Variants in RALYL observed in about 807,000 individuals in gnomAD.
The protein encoded by RALYL is RNA-binding Raly-like protein.
Under a neutral mutation model 35.1 loss-of-function variants are expected in RALYL, and 29 were observed. That is an observed-to-expected ratio of 0.83 (90% CI 0.61 to 1.13). The LOEUF is 1.13. Ranked by LOEUF, RALYL falls within the 50% of genes most tolerant of loss-of-function variation. The pLI, the probability that RALYL is intolerant of heterozygous loss-of-function variation, is 0.00. For missense variants in RALYL, 359 were observed against 360.4 expected (o/e 1.00, Z 0.03); for synonymous variants, 120 against 127.6 (o/e 0.94, Z 0.40).
chr8:84,273,839 C>T (rs1429913355), intron 1 of RALYL, among the ~76,000 whole-genome samples: 1 of 152,160 alleles, frequency 6.6e-6, no homozygotes. Context: ...ATGAGAAGTA[C>T]AGGGTTGCTT....
chr8:84,310,597 C>T (rs1042630069), intron 1 of RALYL, among the ~76,000 whole-genome samples: 17 of 151,834 alleles, frequency 1.1e-4, no homozygotes, highest in Admixed American at 1.3e-4. Flanking sequence ...ATAATATAAA[C>T]AAGGATGAAA....
Position 84,316,472 on chromosome 8 carries a change from C to T in RALYL, c.-24+132048C>T, listed in dbSNP as rs186805954. Among the ~76,000 whole-genome samples, 461 of 152,146 alleles carry T rather than the reference C, an allele frequency of 3.0e-3. 3 individuals are homozygous for T. Among genetic ancestry groups the T allele is most frequent in the African/African-American group, 9.7e-3 (402 of 41,558 alleles). ...TTTTATTAGATGACATAAAAAATTA[C>T]GCAGAAAATTGGAAAAGGTACTTTT... On this transcript the variant is annotated intron_variant, in intron 1 of 8. Coordinates refer to ENST00000521268, the MANE Select transcript of RALYL (RefSeq NM_173848.7).
chr8:84,576,418 T>A (rs1281700148), intron 2 of RALYL, among the ~76,000 whole-genome samples: 1 of 152,232 alleles, frequency 6.6e-6, no homozygotes, highest in Non-Finnish European at 1.5e-5. Context: ...AAAAAACAAT[T>A]GTGCCAACTT....
chr8:84,204,273 G>A (rs73295606), intron 1 of RALYL, among the ~76,000 whole-genome samples: 6,956 of 151,866 alleles, frequency 0.046, 515 homozygotes, highest in African/African-American at 0.16. Context: ...GAGAGGAAGA[G>A]CACCACAAAA....
chr8:84,845,860 TATCAGCCAGCTATG>T, intron 4 of RALYL, among the ~76,000 whole-genome samples: 1 of 152,310 alleles, frequency 6.6e-6, no homozygotes, highest in South Asian at 2.1e-4. Flanking sequence ...TTCTTCTGCA[TATCAGCCAGCTATG>T]ATGGCACTAT....
intron 2 of RALYL, among the ~76,000 whole-genome samples, chr8:84,719,039 T>C (rs960526446): frequency 3.3e-5 from 5 of 152,206 alleles, no homozygotes; most frequent in Non-Finnish European, 7.3e-5. Flanking sequence ...CCAGCTTAGA[T>C]AATCACTTCC....
At chr8:84,735,809 CGCGAG>C (rs1439331445) in intron 2 of RALYL, among the ~76,000 whole-genome samples, 2 of 119,046 alleles carry the variant, frequency 1.7e-5, no homozygotes, top group African/African-American at 3.2e-5. Context: ...TCATCCAAAC[CGCGAG>C]AGAGAGAGAG....
chr8:84,389,315 T>C (rs1049371365), intron 1 of RALYL, among the ~76,000 whole-genome samples: 2 of 152,126 alleles, frequency 1.3e-5, no homozygotes, highest in Admixed American at 6.6e-5. Context: ...AGGATTGACT[T>C]GGCAATGCGG....
chr8:84,650,908 C>A (rs62530168), intron 2 of RALYL, among the ~76,000 whole-genome samples: 1 of 151,968 alleles, frequency 6.6e-6, no homozygotes, highest in African/African-American at 2.4e-5. Context: ...ATGATGAGTT[C>A]GTGTCCTTTG....
At chr8:84,304,290 TG>T (rs1221213116) in intron 1 of RALYL, among the ~76,000 whole-genome samples, 2 of 152,070 alleles carry the variant, frequency 1.3e-5, no homozygotes, top group African/African-American at 4.8e-5. Context: ...GCTAATTTTT[TG>T]TATTTTTAGT....
chr8:84,236,493 C>G (rs971715969), intron 1 of RALYL, among the ~76,000 whole-genome samples: 2 of 152,108 alleles, frequency 1.3e-5, no homozygotes, highest in Non-Finnish European at 2.9e-5. Flanking sequence ...TGAATCTGCC[C>G]ATATGATAGG....
intron 2 of RALYL, among the ~76,000 whole-genome samples, chr8:84,680,442 T>C: frequency 6.6e-6 from 1 of 152,166 alleles, no homozygotes; most frequent in Non-Finnish European, 1.5e-5. Flanking sequence ...TCCACAATGA[T>C]TGAACTAGTT....
chr8:84,415,163 T>TG (rs553695159), intron 1 of RALYL, among the ~76,000 whole-genome samples: 2,663 of 150,904 alleles, frequency 0.018, 81 homozygotes, highest in African/African-American at 0.062. Flanking sequence ...TGCCTCTGTT[T>TG]TTTTTTTTTT....
chr8:84,209,652 A>T (rs1342754469), intron 1 of RALYL, among the ~76,000 whole-genome samples: 1 of 152,176 alleles, frequency 6.6e-6, no homozygotes, highest in Non-Finnish European at 1.5e-5. Context: ...ACTTAGGTTC[A>T]CCTGAGCCTA....
intron 1 of RALYL, among the ~76,000 whole-genome samples, chr8:84,234,916 G>C (rs551096741): frequency 6.2e-4 from 94 of 151,644 alleles, no homozygotes; most frequent in African/African-American, 2.1e-3. Context: ...AGGTGGGCGC[G>C]ACCATGCCCG....
chr8:84,820,321 T>C (rs773022742), intron 4 of RALYL, among the ~76,000 whole-genome samples: 3 of 152,204 alleles, frequency 2.0e-5, no homozygotes, highest in Non-Finnish European at 4.4e-5. Flanking sequence ...CCAAACTAAT[T>C]TGTAGACATC....
intron 1 of RALYL, among the ~76,000 whole-genome samples, chr8:84,299,617 G>A (rs532856518): frequency 5.3e-5 from 8 of 151,676 alleles, no homozygotes; most frequent in Non-Finnish European, 8.8e-5. Context: ...CTGGTTGGTC[G>A]GCTTTTAATT....
At chr8:84,606,630 T>A (rs1305121988) in intron 2 of RALYL, among the ~76,000 whole-genome samples, 1 of 152,152 alleles carries the variant, frequency 6.6e-6, no homozygotes, top group African/African-American at 2.4e-5. Flanking sequence ...GTCTTTCCAT[T>A]GCATGCACGT....
intron 1 of RALYL, among the ~76,000 whole-genome samples, chr8:84,275,842 T>C (rs536438707): frequency 2.6e-5 from 4 of 152,262 alleles, no homozygotes; most frequent in African/African-American, 9.6e-5. Flanking sequence ...CTTAGCAAGA[T>C]CTTTACAAAT....
Sources: allele counts gnomAD v4.1 joint callset (sites outside exome capture counted in the v4.1 genomes callset), GRCh38; gene constraint gnomAD v4.1.1; transcripts MANE v1.5; gene names NCBI Gene and HGNC (gene_info 2026-07-23, HGNC 2026-07-21).